STAT5A: variants seen among roughly 807,000 people sequenced by gnomAD.
STAT5A encodes the protein signal transducer and activator of transcription 5A, also known as epididymis secretory sperm binding protein.
A neutral mutation model predicts 100.2 loss-of-function variants in STAT5A; 26 were observed. The ratio of observed to expected loss-of-function variants is 0.26; its 90% CI spans 0.19 to 0.36. The LOEUF (loss-of-function observed/expected upper bound fraction) is 0.36. Ranked by LOEUF, STAT5A falls within the 10% of genes least tolerant of loss-of-function variation. The pLI, the probability that STAT5A is intolerant of heterozygous loss-of-function variation, is 1.00. For synonymous variants in STAT5A, 330 were observed against 424.3 expected (o/e 0.78, Z 2.73); for missense variants, 634 against 1,027.5 (o/e 0.62, Z 5.24).
chr17:42,303,017 G>A (rs1190410796), intron 9 of STAT5A, among the ~76,000 whole-genome samples: 1 of 149,390 alleles, frequency 6.7e-6, no homozygotes, highest in Non-Finnish European at 1.5e-5. Flanking sequence ...GGAGGCCCAA[G>A]CGGGCGGATC....
At chr17:42,301,897 C>CAG (rs1567691510) in intron 9 of STAT5A, among the ~76,000 whole-genome samples, 6 of 152,166 alleles carry the variant, frequency 3.9e-5, no homozygotes, top group Non-Finnish European at 5.9e-5. Context: ...GGCTAGATGC[C>CAG]GTGGCTTACC....
chr17:42,301,773 C>T (rs1287800713), intron 9 of STAT5A, among the ~76,000 whole-genome samples: 2 of 152,216 alleles, frequency 1.3e-5, no homozygotes, highest in African/African-American at 2.4e-5. Context: ...TATTGCTTCA[C>T]ACCATTGTAA....
chr17:42,302,763 GTC>G (rs889651371), intron 9 of STAT5A, among the ~76,000 whole-genome samples: 3 of 151,918 alleles, frequency 2.0e-5, no homozygotes, highest in African/African-American at 7.3e-5. Context: ...GTGAAACCCT[GTC>G]TCTACTAAAA....
Position 42,311,136 on chromosome 17 carries a change from G to A in STAT5A, c.*467G>A. ...AGAGAGAGAAAGAGAGAGTGTGTGG[G>A]TCTATGTAAATGCATCTGTCCTCAT... On this transcript the variant is annotated 3_prime_UTR_variant, in exon 19 of 19. Coordinates refer to ENST00000590949, the MANE Select transcript of STAT5A (RefSeq NM_001288718.2). 5.0e-6 allele frequency: 1 copy of A among 198,108 alleles called. No individual in the cohort carries two copies. Among genetic ancestry groups the A allele is most frequent in the Non-Finnish European group, 1.1e-5 (1 of 93,366 alleles). The allele number at this position is 198,108 out of a possible 1,614,324, so 12.3% of individuals were successfully genotyped here.
chr17:42,291,613 G>A lies in STAT5A; in HGVS notation c.286-359G>A, dbSNP rs561708878. 4.6e-5 allele frequency among the ~76,000 whole-genome samples: 7 copies of A among 152,188 alleles called. No individual in the cohort carries two copies. The South Asian group carries it at 1.2e-3, about 27-fold the overall frequency. On this transcript the variant is annotated intron_variant, in intron 3 of 18. Coordinates refer to ENST00000590949, the MANE Select transcript of STAT5A (RefSeq NM_001288718.2). Reference sequence around the variant, plus strand: ...TGCCTGTAATCCCAACTACTCAGGAGGCTGAGGAAGGAGAATCGCTTGAAC... The same window carrying A: ...TGCCTGTAATCCCAACTACTCAGGAAGCTGAGGAAGGAGAATCGCTTGAAC...
chr17:42,299,687 C>A, intron 5 of STAT5A, 64 bp from the exon 6 acceptor site: 1 of 1,612,176 alleles, frequency 6.2e-7, no homozygotes, highest in South Asian at 1.1e-5. Context: ...GGTGAGTGGG[C>A]TTCTCTAGGC....
chr17:42,299,609 T>C (rs2080955151), intron 5 of STAT5A, 142 bp from the exon 6 acceptor site: 1 of 1,401,770 alleles, frequency 7.1e-7, no homozygotes, highest in East Asian at 2.4e-5. Flanking sequence ...TTGGCCCCCC[T>C]GGCTGTCAGG....
chr17:42,306,567 C>G, intron 13 of STAT5A, 120 bp downstream of exon 13: 1 of 1,483,558 alleles, frequency 6.7e-7, no homozygotes, highest in Non-Finnish European at 9.2e-7. Flanking sequence ...CCACTCTCTC[C>G]TACAACCAGG....
intron 4 of STAT5A, 119 bp from the exon 5 acceptor site, chr17:42,295,499 TC>T: frequency 9.6e-7 from 1 of 1,037,940 alleles, no homozygotes; most frequent in South Asian, 1.6e-5. Context: ...TGCCCTAGTT[TC>T]CCTTCTTACC....
chr17:42,290,228 G>T, intron 3 of STAT5A: 1 of 658,720 alleles, frequency 1.5e-6, no homozygotes, highest in Admixed American at 3.8e-5. Context: ...GGTGGGAGGT[G>T]TTTGTTGCCA....
Position 42,311,728 on chromosome 17 carries a change from G to A in STAT5A, c.*1059G>A. ...GCCTTGCGCTGTTGCGTAACTGGCT[G>A]TGTTCTGGTGAGGCCTTGCTCCCAA... is the stretch of plus-strand genomic sequence containing the variant. On this transcript the variant is annotated 3_prime_UTR_variant, in exon 19 of 19. Transcript: ENST00000590949. 6.5e-6 allele frequency: 1 copy of A among 152,814 alleles called. No individual in the cohort carries two copies. The allele number at this position is 152,814 out of a possible 1,614,324, so 9.5% of individuals were successfully genotyped here.
chr17:42,289,436 C>A lies in STAT5A; in HGVS notation c.25C>A (p.Gln9Lys), dbSNP rs377341826. 21 of 1,611,818 alleles carry A rather than the reference C, an allele frequency of 1.3e-5. No homozygotes were observed. Among genetic ancestry groups the A allele is most frequent in the Non-Finnish European group, 1.7e-5 (20 of 1,179,428 alleles). The change falls in exon 2 of 19, where the codon CAG becomes AAG. Residue 9 changes from glutamine (Q) to lysine (K), a missense_variant. This residue lies in a region of STAT5A where 207 missense variants were observed against 256.6 expected (regional missense o/e 0.81). Transcript: ENST00000590949. MAGWIQAQ[Q>K]LQGDALRQMQ... is the part of the protein sequence containing the mutation. ...CATGGCGGGCTGGATCCAGGCCCAG[C>A]AGCTGCAGGGAGACGCGCTGCGCCA...
rs1392651260 is a variant in STAT5A at position 42,289,882 on chromosome 17, G to T, written c.145G>T (p.Asp49Tyr). ...TGCCCCAAGGGATGCCATTGACTTG[G>T]ACAATCCCCAGGACAGAGCCCAAGC... ...ESQPWDAIDL[D>Y]NPQDRAQATQ... The change falls in exon 3 of 19, where the codon GAC becomes TAC. Residue 49 changes from aspartate to tyrosine, a missense_variant. Asp to Tyr is a radical substitution (Grantham distance 160). Around this residue, in one of 5 missense-constraint regions of STAT5A, gnomAD observed 207 missense variants for 256.6 expected, o/e 0.81. Transcript: ENST00000590949. The T allele has an allele frequency of 6.3e-7, 1 of 1,576,870 alleles. No individual in the cohort carries two copies. The highest frequency in any genetic ancestry group is 8.6e-7 in the Non-Finnish European group (1 of 1,160,888).
chr17:42,299,694 A>T, intron 5 of STAT5A, 57 bp from the exon 6 acceptor site: 1 of 1,613,070 alleles, frequency 6.2e-7, no homozygotes, highest in Non-Finnish European at 8.5e-7. Flanking sequence ...GGGCTTCTCT[A>T]GGCCTCCTGT....
intron 17 of STAT5A, 45 bp from the exon 18 acceptor site, chr17:42,309,332 C>T (rs779178346): frequency 6.2e-7 from 1 of 1,606,962 alleles, no homozygotes; most frequent in Non-Finnish European, 8.5e-7. Context: ...AGTCAGCTGC[C>T]CCGGCCTCCC....
At chr17:42,289,718 G>A (rs559476184) in intron 2 of STAT5A, 148 bp from the exon 3 acceptor site, 246 of 1,375,908 alleles carry the variant, frequency 1.8e-4, no homozygotes, top group Middle Eastern at 1.8e-3. Flanking sequence ...TTTTAGACTC[G>A]GATGTCTGTG....
chr17:42,293,953 A>G (rs978746412), intron 4 of STAT5A, among the ~76,000 whole-genome samples: 1 of 152,112 alleles, frequency 6.6e-6, no homozygotes, highest in Non-Finnish European at 1.5e-5. Flanking sequence ...GGTGGCTCAC[A>G]TCTGTAATCC....
At chr17:42,307,251 G>A (rs2081037641) in intron 13 of STAT5A, 151 bp from the exon 14 acceptor site, 1 of 740,432 alleles carries the variant, frequency 1.4e-6, no homozygotes, top group Admixed American at 2.3e-5. Flanking sequence ...ACAAGTTGGG[G>A]GCTGTGTCAC....
At position 42,301,387 on chromosome 17, in the gene STAT5A, C is replaced by G; in HGVS notation, c.1102C>G (p.Gln368Glu). 1 of 1,614,196 alleles carries G rather than the reference C, an allele frequency of 6.2e-7. No individual in the cohort carries two copies. Among genetic ancestry groups the G allele is most frequent in the Non-Finnish European group, 8.5e-7 (1 of 1,180,034 alleles). Residue 368 changes from glutamine to glutamate, a missense_variant, in exon 9 of 19, where the codon CAG becomes GAG. Gln to Glu is a conservative substitution (Grantham distance 29). Around this residue, in one of 5 missense-constraint regions of STAT5A, gnomAD observed 98 missense variants for 149.7 expected, o/e 0.65. Transcript: ENST00000590949. The part of the protein sequence containing the change: ...GKLNVHMNPP[Q>E]VKATIISEQQ... ...GCTGAACGTGCACATGAATCCCCCCCAGGTGAAGGCCACCATCATCAGTGA... is the reference window on the plus strand; with the variant it reads ...GCTGAACGTGCACATGAATCCCCCCGAGGTGAAGGCCACCATCATCAGTGA...
Sources: gnomAD v4.1 joint callset for allele counts (sites outside exome capture counted in the v4.1 genomes callset) on GRCh38, gnomAD v4.1.1 for gene constraint, gnomAD v4.1.1 regional missense constraint, MANE v1.5 for transcripts, NCBI Gene and HGNC (gene_info 2026-07-23, HGNC 2026-07-21) for gene names.